The following LINGO2 variants were observed in gnomAD, a reference collection of about 807,000 sequenced individuals.
LINGO2 encodes leucine rich repeat and Ig domain containing 2.
LINGO2 carries 14 observed loss-of-function variants against 30.6 expected under a neutral mutation model. The observed-to-expected ratio is 0.46, with a 90% CI of 0.30 to 0.72. The LOEUF is 0.72. Among genes scored for constraint, LINGO2 ranks in the 30% least tolerant of loss-of-function variants. LINGO2 has a pLI of 0.07. For missense variants in LINGO2, 729 were observed against 751.7 expected, an observed-to-expected ratio of 0.97 and a Z score of 0.35; for synonymous variants, 317 against 288.5, an observed-to-expected ratio of 1.10 and a Z score of -1.00.
chr9:28,135,543 C>A (rs1471824674), intron 4 of LINGO2, among the ~76,000 whole-genome samples: 2 of 151,690 alleles, frequency 1.3e-5, no homozygotes, highest in Admixed American at 1.3e-4. Context: ...AAAAAATCCT[C>A]CCCATATCAT....
intron 5 of LINGO2, among the ~76,000 whole-genome samples, chr9:27,990,913 T>C (rs1238388097): frequency 6.6e-6 from 1 of 152,014 alleles, no homozygotes; most frequent in Admixed American, 6.6e-5. Context: ...AGCAAAGAGC[T>C]GAACTTGCTC....
At chr9:29,176,953 T>C in the LINGO2 span, among the ~76,000 whole-genome samples, 204 of 152,258 alleles carry the variant, frequency 1.3e-3, 1 homozygote, top group African/African-American at 4.7e-3. Flanking sequence ...CCGAAAAGGA[T>C]TGGGTGTTTT....
At chr9:28,499,664 G>A (rs931181588) in intron 1 of LINGO2, among the ~76,000 whole-genome samples, 6 of 152,090 alleles carry the variant, frequency 3.9e-5, no homozygotes, top group Non-Finnish European at 7.4e-5. Context: ...ATTAAACAAC[G>A]TAACATACAT....
intron 3 of LINGO2, among the ~76,000 whole-genome samples, chr9:28,335,630 T>A (rs990631755): frequency 2.0e-5 from 3 of 152,154 alleles, no homozygotes; most frequent in Admixed American, 6.6e-5. Context: ...ATCTGAGGAC[T>A]TTTTTAAGAT....
chr9:27,980,705 C>A (rs2118897094), intron 5 of LINGO2, among the ~76,000 whole-genome samples: 1 of 151,970 alleles, frequency 6.6e-6, no homozygotes, highest in Admixed American at 6.6e-5. Flanking sequence ...CCTTGTCATG[C>A]ACATGGTTTG....
chr9:28,797,769 G>A, the LINGO2 span, among the ~76,000 whole-genome samples: 1 of 152,172 alleles, frequency 6.6e-6, no homozygotes, highest in Non-Finnish European at 1.5e-5. Context: ...TTAAAAAGTT[G>A]ATGATAATTG....
chr9:28,194,423 G>C (rs1022701922), intron 4 of LINGO2, among the ~76,000 whole-genome samples: 1 of 152,010 alleles, frequency 6.6e-6, no homozygotes, highest in Non-Finnish European at 1.5e-5. Flanking sequence ...AAGAAGTGAA[G>C]TAAATTGCCA....
chr9:28,004,435 T>C (rs10968270), intron 5 of LINGO2, among the ~76,000 whole-genome samples: 4,951 of 152,284 alleles, frequency 0.033, 283 homozygotes, highest in African/African-American at 0.11. Flanking sequence ...TTGAATTGCA[T>C]TGATCTTAGT....
Position 28,438,827 on chromosome 9 carries a change from C to CATATATATAT in LINGO2, c.-279+37103_-279+37112dup, listed in dbSNP as rs200082723. Among the ~76,000 whole-genome samples the CATATATATAT allele has an allele frequency of 2.0e-3, 265 of 130,784 alleles. 1 individual carries two copies. The highest frequency in any genetic ancestry group is 7.0e-3 in the African/African-American group (248 of 35,454). The allele number at this position is 130,784 out of a possible 152,430, so 85.8% of individuals were successfully genotyped here. On this transcript the variant is annotated intron_variant, in intron 2 of 5. Coordinates refer to ENST00000379992, the Ensembl canonical transcript of LINGO2. ...TAAGAAAGGAAGAAGAAAATATATA[C>CATATATATAT]ATATATATATATATATATATATAAT...
intron 4 of LINGO2, among the ~76,000 whole-genome samples, chr9:28,100,222 G>C (rs1053584406): frequency 2.0e-5 from 3 of 152,106 alleles, no homozygotes; most frequent in Non-Finnish European, 4.4e-5. Context: ...AAAATCAATA[G>C]AGTCCCCATG....
At chr9:28,559,395 A>AT (rs746691571) in intron 1 of LINGO2, among the ~76,000 whole-genome samples, 6 of 152,196 alleles carry the variant, frequency 3.9e-5, no homozygotes, top group Non-Finnish European at 8.8e-5. Context: ...GAAACAATGC[A>AT]TTTTGTTTTG....
chr9:29,027,059 C>A, the LINGO2 span, among the ~76,000 whole-genome samples: 16 of 151,970 alleles, frequency 1.1e-4, no homozygotes, highest in African/African-American at 3.6e-4. Flanking sequence ...CACATTTTAA[C>A]CAGTGTTATA....
chr9:28,804,260 T>C, the LINGO2 span, among the ~76,000 whole-genome samples: 372 of 152,228 alleles, frequency 2.4e-3, 4 homozygotes, highest in Admixed American at 8.5e-3. Flanking sequence ...TATGCAGCTA[T>C]TGGGGCCAAT....
At chr9:28,464,936 G>T (rs73644047) in intron 2 of LINGO2, among the ~76,000 whole-genome samples, 2,755 of 152,290 alleles carry the variant, frequency 0.018, 87 homozygotes, top group African/African-American at 0.06. Flanking sequence ...TACTCAGCCC[G>T]CAGTGCTCAA....
chr9:28,354,653 A>C (rs1203097549), intron 3 of LINGO2, among the ~76,000 whole-genome samples: 1 of 151,992 alleles, frequency 6.6e-6, no homozygotes, highest in Non-Finnish European at 1.5e-5. Context: ...CCCCTTAAAC[A>C]CAACAACCCT....
the LINGO2 span, among the ~76,000 whole-genome samples, chr9:29,130,073 C>A: frequency 6.6e-6 from 1 of 152,056 alleles, no homozygotes; most frequent in South Asian, 2.1e-4. Flanking sequence ...AAGGTTTGAA[C>A]AAGTGGTGGA....
At chr9:29,173,878 T>C in the LINGO2 span, among the ~76,000 whole-genome samples, 1 of 152,080 alleles carries the variant, frequency 6.6e-6, no homozygotes, top group Non-Finnish European at 1.5e-5. Flanking sequence ...AAGAGTAAAT[T>C]TGTACCTTAT....
At chr9:28,252,320 G>A (rs1307107686) in intron 4 of LINGO2, among the ~76,000 whole-genome samples, 4 of 151,968 alleles carry the variant, frequency 2.6e-5, no homozygotes, top group Non-Finnish European at 1.5e-5. Context: ...CTGCCTCCCG[G>A]GTTCAAGTGA....
intron 1 of LINGO2, among the ~76,000 whole-genome samples, chr9:28,632,466 T>C (rs1047413895): frequency 6.6e-6 from 1 of 150,950 alleles, no homozygotes; most frequent in Non-Finnish European, 1.5e-5. Flanking sequence ...AACGGGGGTT[T>C]TCAGGTGGAT....
Sources: gnomAD v4.1 joint callset for allele counts (sites outside exome capture counted in the v4.1 genomes callset) on GRCh38, gnomAD v4.1.1 for gene constraint, MANE v1.5 for transcripts, NCBI Gene and HGNC (gene_info 2026-07-23, HGNC 2026-07-21) for gene names.